Variants in UBE2H observed in about 807,000 individuals in gnomAD.
UBE2H encodes ubiquitin conjugating enzyme E2 H, also known as ubiquitin-conjugating enzyme E2 H.
UBE2H carries 3 observed loss-of-function variants against 29.0 expected under a neutral mutation model. The ratio of observed to expected loss-of-function variants is 0.10; its 90% CI spans 0.05 to 0.27. UBE2H has a LOEUF of 0.27. Ranked by LOEUF, UBE2H falls within the 10% of genes least tolerant of loss-of-function variation. UBE2H has a pLI of 1.00. For synonymous variants in UBE2H, 69 were observed against 82.9 expected, an observed-to-expected ratio of 0.83 and a Z score of 0.91; for missense variants, 68 against 228.2, an observed-to-expected ratio of 0.30 and a Z score of 4.52.
intron 1 of UBE2H, among the ~76,000 whole-genome samples, chr7:129,920,848 C>CAAAAAAAAAAAA (rs11347186): frequency 5.4e-5 from 4 of 73,976 alleles, no homozygotes; most frequent in Admixed American, 1.5e-4. Context: ...TAGAAAAAGT[C>CAAAAAAAAAAAA]AAAAAAAAAA....
intron 4 of UBE2H, among the ~76,000 whole-genome samples, 191 bp downstream of exon 4, chr7:129,858,711 T>C (rs1805750033): frequency 6.6e-6 from 1 of 152,128 alleles, no homozygotes. Flanking sequence ...AAATAAGTGG[T>C]ACAACAGCAG....
At chr7:129,928,007 G>A (rs532054694) in intron 1 of UBE2H, among the ~76,000 whole-genome samples, 54 of 141,796 alleles carry the variant, frequency 3.8e-4, no homozygotes, top group African/African-American at 1.2e-3. Flanking sequence ...GCAACATGGC[G>A]AAATACCATC....
intron 3 of UBE2H, among the ~76,000 whole-genome samples, chr7:129,874,697 GA>G (rs1460451500): frequency 6.6e-6 from 1 of 152,080 alleles, no homozygotes; most frequent in African/African-American, 2.4e-5. Flanking sequence ...TAGCTCTAAA[GA>G]GGGGCATTTT....
chr7:129,866,466 G>C (rs144359534), intron 3 of UBE2H, among the ~76,000 whole-genome samples: 4 of 152,004 alleles, frequency 2.6e-5, no homozygotes, highest in African/African-American at 9.7e-5. Context: ...TCTTTCGATC[G>C]CTGGGTCGTT....
At chr7:129,870,431 C>T (rs1221092690) in intron 3 of UBE2H, among the ~76,000 whole-genome samples, 1 of 152,196 alleles carries the variant, frequency 6.6e-6, no homozygotes, top group Non-Finnish European at 1.5e-5. Context: ...GCCAGAGCAA[C>T]ATGGTGAAAC....
chr7:129,913,252 CAAAAAAA>C (rs59869623), intron 1 of UBE2H, among the ~76,000 whole-genome samples: 1 of 75,544 alleles, frequency 1.3e-5, no homozygotes. Flanking sequence ...AACTCCGTCT[CAAAAAAA>C]AAAAAAAAAA....
rs531953511 is a variant in UBE2H, at chr7:129,833,924, G to A, written c.*1013C>T. On this transcript the variant is annotated 3_prime_UTR_variant, in exon 7 of 7. Transcript: ENST00000355621. ...CGTGGGTCGTCTTCTCAAGTCTAAT[G>A]GTCCATGAGCGGCTTGTCCAAGGAG... 6.6e-6 allele frequency: 1 copy of A among 152,188 alleles called. No individual in the cohort carries two copies. The highest frequency in any genetic ancestry group is 1.9e-4 in the East Asian group (1 of 5,168). 9.4% of individuals were successfully genotyped at this position (152,188 alleles called of 1,614,324 possible). A position where few individuals can be genotyped will look rare whatever the true frequency, so the allele number is the denominator to read the frequency against.
chr7:129,849,192 C>T (rs1805564923), intron 5 of UBE2H, among the ~76,000 whole-genome samples: 1 of 152,130 alleles, frequency 6.6e-6, no homozygotes, highest in Non-Finnish European at 1.5e-5. Context: ...AGATGACAGA[C>T]AGCCCCTCAA....
intron 1 of UBE2H, among the ~76,000 whole-genome samples, chr7:129,892,041 C>T (rs565516503): frequency 1.3e-4 from 19 of 150,436 alleles, no homozygotes; most frequent in Non-Finnish European, 2.7e-4. Flanking sequence ...CAAGCTCCGC[C>T]TCCCAGGTTC....
intron 1 of UBE2H, among the ~76,000 whole-genome samples, chr7:129,907,942 A>G (rs914932313): frequency 1.3e-5 from 2 of 152,180 alleles, no homozygotes; most frequent in African/African-American, 4.8e-5. Flanking sequence ...TTTTTTCCCA[A>G]CTTCAGCAAC....
chr7:129,912,989 G>A (rs963849430), intron 1 of UBE2H, among the ~76,000 whole-genome samples: 3 of 152,110 alleles, frequency 2.0e-5, no homozygotes, highest in East Asian at 3.8e-4. Context: ...CGGTGGTCAC[G>A]CCTGTAATCC....
intron 1 of UBE2H, among the ~76,000 whole-genome samples, chr7:129,899,355 T>C (rs1806663043): frequency 6.6e-6 from 1 of 152,192 alleles, no homozygotes; most frequent in South Asian, 2.1e-4. Flanking sequence ...AGCAGACCTG[T>C]TTCCCTCATG....
intron 1 of UBE2H, among the ~76,000 whole-genome samples, chr7:129,950,510 A>AC (rs2116540229): frequency 6.6e-6 from 1 of 152,244 alleles, no homozygotes; most frequent in South Asian, 2.1e-4. Context: ...CTAAATGAAC[A>AC]AAAGGCACTG....
chr7:129,841,919 G>C (rs1209947317), intron 5 of UBE2H, among the ~76,000 whole-genome samples: 1 of 152,104 alleles, frequency 6.6e-6, no homozygotes, highest in African/African-American at 2.4e-5. Flanking sequence ...TTTTTAAAAA[G>C]GGAAACAATT....
At chr7:129,881,691 T>G (rs1402075582) in intron 1 of UBE2H, among the ~76,000 whole-genome samples, 2 of 151,980 alleles carry the variant, frequency 1.3e-5, no homozygotes, top group Non-Finnish European at 2.9e-5. Context: ...GCGCTTAATT[T>G]TAGCTTTTCT....
chr7:129,867,724 C>CAAAAAAAAAAAAAAAAAAAAAAAAAAAA (rs1473451530), intron 3 of UBE2H, among the ~76,000 whole-genome samples: 15 of 31,200 alleles, frequency 4.8e-4, no homozygotes, highest in South Asian at 1.4e-3. Flanking sequence ...AAAAGAAAAC[C>CAAAAAAAAAAAAAAAAAAAAAAAAAAAA]AAAAAAAAAA....
intron 5 of UBE2H, among the ~76,000 whole-genome samples, chr7:129,845,168 T>C (rs921438984): frequency 2.0e-5 from 3 of 152,214 alleles, no homozygotes; most frequent in African/African-American, 7.2e-5. Context: ...TCACTTAGTC[T>C]AGAGCAGTGG....
At chr7:129,866,594 G>A (rs181323926) in intron 3 of UBE2H, among the ~76,000 whole-genome samples, 8 of 152,304 alleles carry the variant, frequency 5.3e-5, no homozygotes, top group Admixed American at 6.5e-5. Context: ...ACCACTCTTA[G>A]AGTTGTAGTT....
rs1053595531 is a variant in UBE2H at position 129,833,657 on chromosome 7, T to C, written c.*1280A>G. 3.3e-5 allele frequency: 5 copies of C among 152,228 alleles called. No individual in the cohort carries two copies. Among genetic ancestry groups the C allele is most frequent in the African/African-American group, 9.6e-5 (4 of 41,460 alleles). 9.4% of individuals were successfully genotyped at this position (152,228 alleles called of 1,614,324 possible). A position where few individuals can be genotyped will look rare whatever the true frequency, so the allele number is the denominator to read the frequency against. On this transcript the variant is annotated 3_prime_UTR_variant, in exon 7 of 7. Transcript: ENST00000355621. Reference sequence around the variant, plus strand: ...TACATCATATTTCTGAATCCCTTCTTCCTATTCGGTCACTCTCTGAAAAAA... The same window carrying C: ...TACATCATATTTCTGAATCCCTTCTCCCTATTCGGTCACTCTCTGAAAAAA...
Sources: allele counts gnomAD v4.1 joint callset (sites outside exome capture counted in the v4.1 genomes callset), GRCh38; gene constraint gnomAD v4.1.1; transcripts MANE v1.5; gene names NCBI Gene and HGNC (gene_info 2026-07-23, HGNC 2026-07-21).